Variants in SERTM2 observed in about 807,000 individuals in gnomAD.
The protein encoded by SERTM2 is serine rich and transmembrane domain containing 2, also known as serine-rich and transmembrane domain-containing protein 2.
Position 111,520,424 on chromosome X carries a change from A to G in SERTM2, c.*1294A>G, listed in dbSNP as rs182330276. ...TGTGTTAAATTTTACTTGCTAAAAC[A>G]AAAAATAAGTTATCTTTTGTACCTA... On this transcript the variant is annotated 3_prime_UTR_variant, in exon 3 of 3. Coordinates refer to ENST00000569275, the MANE Select transcript of SERTM2 (RefSeq NM_001354473.2). 1 of 111,989 alleles carries G rather than the reference A, an allele frequency of 8.9e-6. No homozygotes were observed. The highest frequency in any genetic ancestry group is 2.8e-4 in the East Asian group (1 of 3,575). 9.2% of individuals were successfully genotyped at this position (111,989 alleles called of 1,213,427 possible). A position where few individuals can be genotyped will look rare whatever the true frequency, so the allele number is the denominator to read the frequency against.
rs1239906530 is a variant in SERTM2 at position 111,520,369 on chromosome X, A to G, written c.*1239A>G. The G allele has an allele frequency of 1.8e-5, 2 of 111,875 alleles. No individual in the cohort carries two copies. The highest frequency in any genetic ancestry group is 6.5e-5 in the African/African-American group (2 of 30,741). The allele number at this position is 111,875 out of a possible 1,213,427, so 9.2% of individuals were successfully genotyped here. A position where few individuals can be genotyped will look rare whatever the true frequency, so the allele number is the denominator to read the frequency against. On this transcript the variant is annotated 3_prime_UTR_variant, in exon 3 of 3. Transcript: ENST00000569275. The stretch of plus-strand genomic sequence containing the variant: ...CAAATCAGAATTTAAAAAACTGGTC[A>G]TATTCTTGCCACCAAAGGACGAGTA...
Position 111,522,095 on chromosome X carries a change from G to T in SERTM2, c.*2965G>T, listed in dbSNP as rs940720284. ...CATCCATGCCAAATCTGAAGCTTTG[G>T]ACTCATAACTGAGTTTGACTGCTGC... On this transcript the variant is annotated 3_prime_UTR_variant, in exon 3 of 3. Coordinates refer to ENST00000569275, the MANE Select transcript of SERTM2 (RefSeq NM_001354473.2). 9.0e-6 allele frequency: 1 copy of T among 111,346 alleles called. No homozygotes were observed. Among genetic ancestry groups the T allele is most frequent in the African/African-American group, 3.3e-5 (1 of 30,609 alleles). The allele number at this position is 111,346 out of a possible 1,213,427, so 9.2% of individuals were successfully genotyped here. A position where few individuals can be genotyped will look rare whatever the true frequency, so the allele number is the denominator to read the frequency against.
At chrX:111,513,344 T>A (rs1365527116) in intron 2 of SERTM2, among the ~76,000 whole-genome samples, 3 of 111,061 alleles carry the variant, frequency 2.7e-5, no homozygotes, top group Non-Finnish European at 5.7e-5. Context: ...CTCAACAGCT[T>A]TCAATCACTT....
At chrX:111,513,258 C>T (rs1187872261) in intron 2 of SERTM2, among the ~76,000 whole-genome samples, 4 of 109,402 alleles carry the variant, frequency 3.7e-5, no homozygotes, top group African/African-American at 1.3e-4. Flanking sequence ...CTCTCCCTTC[C>T]CTCTTCCTCT....
Position 111,521,076 on chromosome X carries a change from C to T in SERTM2, c.*1946C>T, listed in dbSNP as rs1930404986. ...TGAATGCACTTTACATTTGAGAAGT[C>T]AGTGGCTGGCTAAATGAAGGAACTG... On this transcript the variant is annotated 3_prime_UTR_variant, in exon 3 of 3. Transcript: ENST00000569275. 1 of 111,728 alleles carries T rather than the reference C, an allele frequency of 9.0e-6. No homozygotes were observed. The highest frequency in any genetic ancestry group is 3.3e-5 in the African/African-American group (1 of 30,721). The allele number at this position is 111,728 out of a possible 1,213,427, so 9.2% of individuals were successfully genotyped here. A position where few individuals can be genotyped will look rare whatever the true frequency, so the allele number is the denominator to read the frequency against.
chrX:111,515,550 G>T lies in SERTM2; in HGVS notation c.-783-2525G>T, dbSNP rs141834158. Among the ~76,000 whole-genome samples, 683 of 111,636 alleles carry T rather than the reference G, an allele frequency of 6.1e-3. 4 individuals carry two copies. The highest frequency in any genetic ancestry group is 0.02 in the African/African-American group (623 of 30,739). On this transcript the variant is annotated intron_variant, in intron 2 of 2. Transcript: ENST00000569275. ...TGTAGACTGGTGTTTCTCAGCCCTG[G>T]CTGCATATCAAAATCACCTGTGGAG...
At chrX:111,517,685 A>T (rs1179517058) in intron 2 of SERTM2, among the ~76,000 whole-genome samples, 4 of 104,928 alleles carry the variant, frequency 3.8e-5, no homozygotes, top group African/African-American at 1.5e-4. Context: ...TTTTTTTTTT[A>T]ATAGCAGTGC....
intron 2 of SERTM2, among the ~76,000 whole-genome samples, chrX:111,517,782 G>T (rs973903494): frequency 9.1e-6 from 1 of 109,861 alleles, no homozygotes; most frequent in Non-Finnish European, 1.9e-5. Context: ...AGGAAGTCTA[G>T]GTTTGGGCCC....
At chrX:111,516,102 C>A (rs1440737252) in intron 2 of SERTM2, among the ~76,000 whole-genome samples, 1 of 107,438 alleles carries the variant, frequency 9.3e-6, no homozygotes, top group Admixed American at 1.0e-4. Flanking sequence ...TCCTTCCTTG[C>A]CACTTCGAGC....
intron 2 of SERTM2, among the ~76,000 whole-genome samples, chrX:111,513,868 C>T (rs1410335750): frequency 9.0e-6 from 1 of 111,529 alleles, no homozygotes; most frequent in African/African-American, 3.2e-5. Context: ...CTTCTCCAAG[C>T]TTCATAGAAT....
In SERTM2 at chrX:111,521,901, A is replaced by G. The variant is rs1198996362; in HGVS notation, c.*2771A>G. 2 of 112,071 alleles carry G rather than the reference A, an allele frequency of 1.8e-5. No homozygotes were observed. Among genetic ancestry groups the G allele is most frequent in the Non-Finnish European group, 3.8e-5 (2 of 53,256 alleles). The allele number at this position is 112,071 out of a possible 1,213,427, so 9.2% of individuals were successfully genotyped here. On this transcript the variant is annotated 3_prime_UTR_variant, in exon 3 of 3. Transcript: ENST00000569275. ...TCTGTAAATAGTAAATTCTCCTAATATGTTTAAAAAGAATCCAATTTTTTA... is the reference window on the plus strand; with the variant it reads ...TCTGTAAATAGTAAATTCTCCTAATGTGTTTAAAAAGAATCCAATTTTTTA...
rs1271783646 is a variant in SERTM2, at chrX:111,518,345, A to G, written c.-513A>G. 1 of 111,965 alleles carries G rather than the reference A, an allele frequency of 8.9e-6. No individual in the cohort carries two copies. The highest frequency in any genetic ancestry group is 1.9e-5 in the Non-Finnish European group (1 of 53,285). 9.2% of individuals were successfully genotyped at this position (111,965 alleles called of 1,213,427 possible). On this transcript the variant is annotated 5_prime_UTR_variant, in exon 3 of 3. Transcript: ENST00000569275. ...ACGGGGTGAAAACTCAGATAAGCTG[A>G]GCCTGATATATACAAAAGCCTTCAG...
chrX:111,515,132 C>T (rs970563262), intron 2 of SERTM2, among the ~76,000 whole-genome samples: 1 of 111,007 alleles, frequency 9.0e-6, no homozygotes. Context: ...TCAAATTTAC[C>T]AGTGATGACA....
At chrX:111,511,939 C>T in intron 1 of SERTM2, 59 bp from the exon 2 acceptor site, 1 of 294,601 alleles carries the variant, frequency 3.4e-6, no homozygotes, top group African/African-American at 2.7e-5. Context: ...AGAAACCATA[C>T]TTTGCATGAA....
chrX:111,522,091 T>C lies in SERTM2; in HGVS notation c.*2961T>C, dbSNP rs1262577445. 1 of 111,637 alleles carries C rather than the reference T, an allele frequency of 9.0e-6. No homozygotes were observed. Among genetic ancestry groups the C allele is most frequent in the African/African-American group, 3.3e-5 (1 of 30,726 alleles). 9.2% of individuals were successfully genotyped at this position (111,637 alleles called of 1,213,427 possible). On this transcript the variant is annotated 3_prime_UTR_variant, in exon 3 of 3. Transcript: ENST00000569275. ...TTTCCATCCATGCCAAATCTGAAGCTTTGGACTCATAACTGAGTTTGACTG... is the reference window on the plus strand; with the variant it reads ...TTTCCATCCATGCCAAATCTGAAGCCTTGGACTCATAACTGAGTTTGACTG...
intron 2 of SERTM2, among the ~76,000 whole-genome samples, chrX:111,515,422 T>C (rs1239045379): frequency 3.6e-5 from 4 of 111,611 alleles, no homozygotes; most frequent in Non-Finnish European, 7.5e-5. Flanking sequence ...CCAGTGAGAC[T>C]GACAACCTAT....
At chrX:111,513,386 T>C (rs2147488395) in intron 2 of SERTM2, among the ~76,000 whole-genome samples, 1 of 111,601 alleles carries the variant, frequency 9.0e-6, no homozygotes, top group Admixed American at 9.6e-5. Flanking sequence ...TTTTATTGCA[T>C]GAGCTTTCCA....
rs1261032999 is a variant in SERTM2, at chrX:111,521,312, C to A, written c.*2182C>A. The A allele has an allele frequency of 9.0e-6, 1 of 111,130 alleles. No individual in the cohort carries two copies. Among genetic ancestry groups the A allele is most frequent in the Non-Finnish European group, 1.9e-5 (1 of 53,042 alleles). 9.2% of individuals were successfully genotyped at this position (111,130 alleles called of 1,213,427 possible). A position where few individuals can be genotyped will look rare whatever the true frequency, so the allele number is the denominator to read the frequency against. On this transcript the variant is annotated 3_prime_UTR_variant, in exon 3 of 3. Transcript: ENST00000569275. ...ATGGAAAACTATCAACCTCTTTCATCACAACTACCCCATGGGGATCCAGCT... is the reference window on the plus strand; with the variant it reads ...ATGGAAAACTATCAACCTCTTTCATAACAACTACCCCATGGGGATCCAGCT...
intron 1 of SERTM2, 22 bp downstream of exon 1, chrX:111,511,856 A>G (rs1020535304): frequency 2.5e-5 from 7 of 279,203 alleles, no homozygotes; most frequent in African/African-American, 1.1e-4. Flanking sequence ...CTGACATTTT[A>G]AGTAACATTT....
Sources: gnomAD v4.1 joint callset for allele counts (sites outside exome capture counted in the v4.1 genomes callset) on GRCh38, gnomAD v4.1.1 for gene constraint, MANE v1.5 for transcripts, NCBI Gene and HGNC (gene_info 2026-07-23, HGNC 2026-07-21) for gene names.